MTUS2: variants seen among roughly 807,000 people sequenced by gnomAD.
MTUS2 encodes microtubule-associated tumor suppressor candidate 2.
MTUS2 carries 40 observed loss-of-function variants against 114.1 expected under a neutral mutation model. The observed-to-expected ratio is 0.35, with a 90% CI of 0.27 to 0.46. MTUS2 has a LOEUF of 0.46. MTUS2 is among the 20% of genes least tolerant of loss of function. The pLI, the probability that MTUS2 is intolerant of heterozygous loss-of-function variation, is 1.00. For missense variants in MTUS2, 1,679 were observed against 1,705.4 expected (o/e 0.98, Z 0.27); for synonymous variants, 688 against 672.0 (o/e 1.02, Z -0.37).
chr13:28,932,477 A>G (rs978961069), intron 2 of MTUS2, among the ~76,000 whole-genome samples: 3 of 152,166 alleles, frequency 2.0e-5, no homozygotes, highest in East Asian at 1.9e-4. Flanking sequence ...AGAGACAACT[A>G]TATTAGCAAA....
At chr13:29,197,800 C>G (rs1176408434) in intron 5 of MTUS2, among the ~76,000 whole-genome samples, 3 of 152,158 alleles carry the variant, frequency 2.0e-5, no homozygotes, top group Non-Finnish European at 4.4e-5. Context: ...TTGCATTTCT[C>G]TAATGACCAG....
chr13:28,878,158 T>C (rs1455795650), intron 2 of MTUS2, among the ~76,000 whole-genome samples: 1 of 152,030 alleles, frequency 6.6e-6, no homozygotes, highest in East Asian at 1.9e-4. Context: ...ACATTTCGTC[T>C]AATGGCCCCA....
chr13:29,144,935 C>T (rs982179188), intron 5 of MTUS2, among the ~76,000 whole-genome samples: 1 of 152,154 alleles, frequency 6.6e-6, no homozygotes, highest in Non-Finnish European at 1.5e-5. Context: ...CTATAGACTG[C>T]CTCATGAAGA....
intron 5 of MTUS2, among the ~76,000 whole-genome samples, chr13:29,137,720 G>A (rs1479625210): frequency 1.3e-5 from 2 of 151,526 alleles, no homozygotes; most frequent in African/African-American, 4.9e-5. Context: ...AGGTTCAAGC[G>A]ATTCTCCTGT....
chr13:28,908,804 A>G (rs924331338), intron 2 of MTUS2, among the ~76,000 whole-genome samples: 6 of 151,486 alleles, frequency 4.0e-5, no homozygotes, highest in African/African-American at 7.3e-5. Context: ...GTTTTCTTCT[A>G]GGGTTTTTAT....
At chr13:29,440,645 C>G (rs1181314528) in intron 9 of MTUS2, among the ~76,000 whole-genome samples, 8 of 152,120 alleles carry the variant, frequency 5.3e-5, no homozygotes, top group African/African-American at 9.7e-5. Context: ...TGCTTGATCC[C>G]ATCTTCCCTC....
intron 5 of MTUS2, among the ~76,000 whole-genome samples, chr13:29,128,420 G>A (rs1189118677): frequency 2.0e-5 from 3 of 152,168 alleles, no homozygotes; most frequent in African/African-American, 4.8e-5. Context: ...CTCAGATGGC[G>A]ACAGGAAGGA....
chr13:29,367,915 T>TG (rs1870857076), intron 8 of MTUS2, among the ~76,000 whole-genome samples: 2 of 150,376 alleles, frequency 1.3e-5, no homozygotes, highest in East Asian at 2.0e-4. Context: ...CTGTAGCTTT[T>TG]CTTTTTTTTC....
chr13:29,270,474 C>G (rs1897843430), intron 5 of MTUS2, among the ~76,000 whole-genome samples: 1 of 152,182 alleles, frequency 6.6e-6, no homozygotes, highest in Admixed American at 6.5e-5. Context: ...CGGCAAATCC[C>G]TGAGGGCTAA....
intron 2 of MTUS2, among the ~76,000 whole-genome samples, chr13:28,916,022 C>G (rs917120110): frequency 1.3e-5 from 2 of 151,814 alleles, no homozygotes; most frequent in Non-Finnish European, 2.9e-5. Context: ...GTATGGATAT[C>G]CAGTTTTCCC....
Position 28,923,027 on chromosome 13 carries a change from T to C in MTUS2, c.-243+83177T>C, listed in dbSNP as rs532169811. The stretch of plus-strand genomic sequence containing the variant: ...TCGCACAGGTGCTCTGTTCCTTTTT[T>C]TCTGGTTTATCTTTTCTCTATTGTT... On this transcript the variant is annotated intron_variant, in intron 2 of 15. Coordinates refer to ENST00000612955, the MANE Select transcript of MTUS2 (RefSeq NM_001033602.4). Among the ~76,000 whole-genome samples, 615 of 152,342 alleles carry C rather than the reference T, an allele frequency of 4.0e-3. 2 individuals are homozygous for C. The highest frequency in any genetic ancestry group is 7.5e-3 in the Non-Finnish European group (507 of 68,034).
intron 5 of MTUS2, among the ~76,000 whole-genome samples, chr13:29,134,606 T>G (rs1344823924): frequency 6.6e-6 from 1 of 152,234 alleles, no homozygotes; most frequent in African/African-American, 2.4e-5. Context: ...CGCTTTATTT[T>G]TTTGTTTTTT....
At chr13:29,223,223 A>C (rs1169083641) in intron 5 of MTUS2, among the ~76,000 whole-genome samples, 1 of 152,132 alleles carries the variant, frequency 6.6e-6, no homozygotes, top group African/African-American at 2.4e-5. Flanking sequence ...GGGCCTGTCC[A>C]TGGCCACCCA....
intron 2 of MTUS2, among the ~76,000 whole-genome samples, chr13:29,002,889 G>A (rs1411631735): frequency 1.3e-5 from 2 of 152,166 alleles, no homozygotes; most frequent in Non-Finnish European, 2.9e-5. Context: ...GGTACACTTA[G>A]TTCCCCAGTG....
intron 2 of MTUS2, among the ~76,000 whole-genome samples, chr13:28,970,226 T>TTAAG (rs4002258): frequency 0.47 from 71,174 of 151,836 alleles, 17,115 homozygotes; most frequent in East Asian, 0.69. Context: ...TTTGTCAATG[T>TTAAG]TTAGTATTAT....
intron 2 of MTUS2, among the ~76,000 whole-genome samples, chr13:28,960,959 C>A (rs1883299632): frequency 6.6e-6 from 1 of 150,472 alleles, no homozygotes; most frequent in African/African-American, 2.4e-5. Flanking sequence ...TAAAGAAAAA[C>A]CAAATGGACA....
At chr13:29,124,783 A>G (rs144883949) in intron 5 of MTUS2, among the ~76,000 whole-genome samples, 1 of 152,348 alleles carries the variant, frequency 6.6e-6, no homozygotes, top group East Asian at 1.9e-4. Flanking sequence ...ACATGCTACA[A>G]CATGGGTGAA....
chr13:28,870,219 G>T (rs1302543209), intron 2 of MTUS2, among the ~76,000 whole-genome samples: 1 of 152,152 alleles, frequency 6.6e-6, no homozygotes, highest in South Asian at 2.1e-4. Flanking sequence ...GTAAAAAGGT[G>T]TGTGAAATAG....
At chr13:28,836,582 G>T (rs145914086) in intron 1 of MTUS2, among the ~76,000 whole-genome samples, 43 of 152,322 alleles carry the variant, frequency 2.8e-4, no homozygotes, top group African/African-American at 9.9e-4. Context: ...GGAGTGGTCA[G>T]TTCTATCTGG....
Sources: gnomAD v4.1 joint callset for allele counts (sites outside exome capture counted in the v4.1 genomes callset) on GRCh38, gnomAD v4.1.1 for gene constraint, MANE v1.5 for transcripts, NCBI Gene and HGNC (gene_info 2026-07-23, HGNC 2026-07-21) for gene names.